The following KCNIP4 variants were observed in gnomAD, a reference collection of about 807,000 sequenced individuals.
KCNIP4 encodes the protein potassium voltage-gated channel interacting protein 4.
A neutral mutation model predicts 34.0 loss-of-function variants in KCNIP4; 12 were observed. The observed-to-expected ratio is 0.35, with a 90% CI of 0.23 to 0.57. The LOEUF (loss-of-function observed/expected upper bound fraction) is 0.57, where lower values mean the gene tolerates loss of function less well. Among genes scored for constraint, KCNIP4 ranks in the 20% least tolerant of loss-of-function variants. KCNIP4 has a pLI of 0.83. For synonymous variants in KCNIP4, 124 were observed against 102.2 expected (o/e 1.21, Z -1.29); for missense variants, 238 against 311.7 (o/e 0.76, Z 1.78).
chr4:21,559,217 A>G (rs1269321159), intron 1 of KCNIP4, among the ~76,000 whole-genome samples: 1 of 152,154 alleles, frequency 6.6e-6, no homozygotes. Context: ...ATCAGCAAAT[A>G]AATTGGGGAA....
chr4:21,203,326 A>G (rs1259723161), intron 1 of KCNIP4, among the ~76,000 whole-genome samples: 2 of 150,632 alleles, frequency 1.3e-5, no homozygotes, highest in Non-Finnish European at 2.9e-5. Context: ...AGAGGTGTGT[A>G]TTGACTGGAT....
chr4:21,872,936 T>C (rs1725898629), intron 1 of KCNIP4, among the ~76,000 whole-genome samples: 2 of 152,226 alleles, frequency 1.3e-5, no homozygotes, highest in African/African-American at 4.8e-5. Flanking sequence ...AGATTCCACT[T>C]GGAAGTGGTC....
At chr4:21,489,832 T>A (rs115495825) in intron 1 of KCNIP4, among the ~76,000 whole-genome samples, 5,727 of 152,158 alleles carry the variant, frequency 0.038, 315 homozygotes, top group African/African-American at 0.12. Context: ...AGAATGAGCT[T>A]ATATAAACAC....
intron 5 of KCNIP4, among the ~76,000 whole-genome samples, chr4:20,745,093 A>G (rs1189368044): frequency 1.3e-5 from 2 of 152,274 alleles, no homozygotes; most frequent in African/African-American, 4.8e-5. Context: ...GCTCAACAGG[A>G]GCAATGAATC....
chr4:21,882,000 T>C (rs1480768371), intron 1 of KCNIP4, among the ~76,000 whole-genome samples: 1 of 152,142 alleles, frequency 6.6e-6, no homozygotes, highest in Admixed American at 6.6e-5. Flanking sequence ...CTGGGAAGGA[T>C]CAAGGCTGGT....
intron 1 of KCNIP4, among the ~76,000 whole-genome samples, chr4:21,724,515 AGCAATTCATCACTTTGTG>A (rs1715052081): frequency 2.0e-5 from 3 of 151,758 alleles, no homozygotes; most frequent in African/African-American, 7.3e-5. Context: ...TTGCTTGCGG[AGCAATTCATCACTTTGTG>A]GAGCAATTCA....
chr4:21,936,883 T>C (rs111423026), intron 1 of KCNIP4, among the ~76,000 whole-genome samples: 27 of 152,206 alleles, frequency 1.8e-4, no homozygotes, highest in African/African-American at 4.8e-4. Context: ...CACTTACCTC[T>C]ACAATTTCTT....
At chr4:21,307,737 G>A (rs1712643227) in intron 1 of KCNIP4, among the ~76,000 whole-genome samples, 1 of 151,852 alleles carries the variant, frequency 6.6e-6, no homozygotes, top group South Asian at 2.1e-4. Context: ...TCTGCCTGGG[G>A]AGCCTGAGAG....
intron 1 of KCNIP4, among the ~76,000 whole-genome samples, chr4:21,834,199 C>T (rs1418956092): frequency 6.6e-6 from 1 of 152,168 alleles, no homozygotes; most frequent in African/African-American, 2.4e-5. Flanking sequence ...GCCATTTTCA[C>T]GATATTGATT....
At chr4:21,601,316 C>T (rs926687960) in intron 1 of KCNIP4, among the ~76,000 whole-genome samples, 5 of 151,900 alleles carry the variant, frequency 3.3e-5, no homozygotes, top group African/African-American at 1.2e-4. Context: ...CATTTATAAC[C>T]CAGAGACTGT....
At chr4:21,137,326 T>A (rs184842306) in intron 1 of KCNIP4, among the ~76,000 whole-genome samples, 11 of 152,336 alleles carry the variant, frequency 7.2e-5, no homozygotes, top group African/African-American at 2.2e-4. Context: ...GAAGAAGATG[T>A]GGAACAGAAC....
chr4:20,809,111 T>A (rs985029548), intron 3 of KCNIP4, among the ~76,000 whole-genome samples: 3 of 152,212 alleles, frequency 2.0e-5, no homozygotes, highest in African/African-American at 7.2e-5. Context: ...GGCACAGCTA[T>A]CGGAGACTTT....
intron 1 of KCNIP4, among the ~76,000 whole-genome samples, chr4:21,192,185 ATAGT>A (rs1197381972): frequency 6.6e-6 from 1 of 152,168 alleles, no homozygotes; most frequent in Non-Finnish European, 1.5e-5. Context: ...GCATTTTCTT[ATAGT>A]TAAATGGCTT....
intron 1 of KCNIP4, among the ~76,000 whole-genome samples, chr4:20,951,823 T>C (rs1346076121): frequency 1.3e-5 from 2 of 152,202 alleles, no homozygotes; most frequent in Admixed American, 1.3e-4. Context: ...CAATAGATTT[T>C]CAAAATGACC....
At chr4:20,743,371 A>C (rs1440360414) in intron 5 of KCNIP4, among the ~76,000 whole-genome samples, 1 of 152,180 alleles carries the variant, frequency 6.6e-6, no homozygotes. Flanking sequence ...TTCAAACTAT[A>C]CTACAAGGCT....
At chr4:21,419,403 G>A (rs1372736997) in intron 1 of KCNIP4, among the ~76,000 whole-genome samples, 1 of 152,138 alleles carries the variant, frequency 6.6e-6, no homozygotes, top group East Asian at 1.9e-4. Context: ...GGTGATTTTG[G>A]TGGAGGAGGT....
chr4:21,639,198 ATTTTCTTATGCTGCCAATCAAATG>A (rs1746431481), intron 1 of KCNIP4, among the ~76,000 whole-genome samples: 1 of 152,150 alleles, frequency 6.6e-6, no homozygotes, highest in African/African-American at 2.4e-5. Flanking sequence ...ATTTGCTTCT[ATTTTCTTATGCTGCCAATCAAATG>A]AAGGCAGCAG....
chr4:21,425,124 T>C (rs1364938144), intron 1 of KCNIP4, among the ~76,000 whole-genome samples: 1 of 152,144 alleles, frequency 6.6e-6, no homozygotes, highest in African/African-American at 2.4e-5. Context: ...TCCTCAACAA[T>C]CTATTTTTAC....
chr4:20,766,381 C>T (rs557214880), intron 3 of KCNIP4, among the ~76,000 whole-genome samples: 1 of 152,194 alleles, frequency 6.6e-6, no homozygotes, highest in African/African-American at 2.4e-5. Context: ...GCTTGGACAA[C>T]ATGGTGAAAC....
Sources: gnomAD v4.1 joint callset for allele counts (sites outside exome capture counted in the v4.1 genomes callset) on GRCh38, gnomAD v4.1.1 for gene constraint, MANE v1.5 for transcripts, NCBI Gene and HGNC (gene_info 2026-07-23, HGNC 2026-07-21) for gene names.